The following EBF4 variants were observed in gnomAD, a reference collection of about 807,000 sequenced individuals.
The protein encoded by EBF4 is EBF transcription factor 4.
A neutral mutation model predicts 67.1 loss-of-function variants in EBF4; 34 were observed. That is an observed-to-expected ratio of 0.51 (90% CI 0.39 to 0.67). The LOEUF (loss-of-function observed/expected upper bound fraction) is 0.67. Ranked by LOEUF, EBF4 falls within the 30% of genes least tolerant of loss-of-function variation. EBF4 has a pLI of 0.00. For synonymous variants in EBF4, 387 were observed against 377.7 expected, an observed-to-expected ratio of 1.02 and a Z score of -0.29; for missense variants, 837 against 873.3, an observed-to-expected ratio of 0.96 and a Z score of 0.52.
chr20:2,750,506 G>A lies in EBF4; in HGVS notation c.1018+533G>A, dbSNP rs2088127104. 1.3e-5 allele frequency among the ~76,000 whole-genome samples: 2 copies of A among 152,032 alleles called. 1 individual carries two copies. The highest frequency in any genetic ancestry group is 4.1e-4 in the South Asian group (2 of 4,828). Reference sequence around the variant, plus strand: ...TGGAGAGGCAGTGTAGAACCCCCCAGCCTGGCTCTATTTGGCCGCTGGCCG... The same window carrying A: ...TGGAGAGGCAGTGTAGAACCCCCCAACCTGGCTCTATTTGGCCGCTGGCCG... On this transcript the variant is annotated intron_variant, in intron 10 of 16. Transcript: ENST00000609451.
intron 6 of EBF4, among the ~76,000 whole-genome samples, chr20:2,724,731 C>T (rs1344833442): frequency 6.6e-6 from 1 of 151,900 alleles, no homozygotes; most frequent in Non-Finnish European, 1.5e-5. Context: ...ATAGTGAGAC[C>T]CCATCTCTAC....
In EBF4 at chr20:2,693,982, TCCACTC is replaced by T. The variant is rs1444816226; in HGVS notation, c.137+202_137+207del. Among the ~76,000 whole-genome samples, 2 of 152,154 alleles carry T rather than the reference TCCACTC, an allele frequency of 1.3e-5. No homozygotes were observed. The highest frequency in any genetic ancestry group is 2.4e-5 in the African/African-American group (1 of 41,448). ...GGCGGGCTGGGGCGGGGCTTCTGCC[TCCACTC>T]CGGGCTGCCCCGGTAGATTTCTGAC... On this transcript the variant is annotated intron_variant, in intron 1 of 16. Transcript: ENST00000609451. This position sits in a 1 kb window ranked among gnomAD's most constrained non-coding sequence, Gnocchi z 4.6.
chr20:2,704,824 G>A (rs1445013068), intron 1 of EBF4, among the ~76,000 whole-genome samples: 2 of 152,192 alleles, frequency 1.3e-5, no homozygotes, highest in African/African-American at 4.8e-5. Context: ...TGTATCACTG[G>A]GATGCAGGGG....
rs1158171304 is a variant in EBF4, at chr20:2,749,419, G to T, written c.658G>T (p.Val220Leu). 8 of 1,544,040 alleles carry T rather than the reference G, an allele frequency of 5.2e-6. No homozygotes were observed. The highest frequency in any genetic ancestry group is 5.2e-6 in the Non-Finnish European group (6 of 1,143,866). ...CCCGCAGGTGGTGGTGTCCACGACGGTGAGCGTGGACGGACACGTGCTGGC... is the reference window on the plus strand; with the variant it reads ...CCCGCAGGTGGTGGTGTCCACGACGTTGAGCGTGGACGGACACGTGCTGGC... Residue 220 changes from valine to leucine, a missense_variant, in exon 8 of 17, where the codon GTG (valine) becomes TTG (leucine). Val to Leu is a conservative substitution (Grantham distance 32). Around this residue, in one of 3 missense-constraint regions of EBF4, gnomAD observed 226 missense variants for 306.5 expected, o/e 0.74. Transcript: ENST00000609451.
At chr20:2,758,915 C>A in exon 16 of EBF4, 1 of 1,551,790 alleles carries the variant, frequency 6.4e-7, no homozygotes, top group Non-Finnish European at 8.7e-7. Context: ...GCAGACCAGT[C>A]TTTTGAGGAT....
rs1461409995 is a variant in EBF4, at chr20:2,755,690, C to A, written c.1604C>A (p.Thr535Asn). 1 of 1,550,712 alleles carries A rather than the reference C, an allele frequency of 6.4e-7. No individual in the cohort carries two copies. The change falls in exon 15 of 17, where the codon ACC becomes AAC. Residue 535 changes from threonine (T) to asparagine (N), a missense_variant. Thr to Asn is a moderately conservative substitution (Grantham distance 65). Around this residue, in one of 3 missense-constraint regions of EBF4, gnomAD observed 525 missense variants for 496.5 expected, o/e 1.06. Transcript: ENST00000609451. This position sits in a 1 kb window ranked among gnomAD's most constrained non-coding sequence, Gnocchi z 4.7. ...ATGTCCCTCCCGGCCGCTGCCCCCA[C>A]CACCAGCGTGTTCTCCTTCTCGCCT...
At chr20:2,723,537 G>A (rs2146429020) in intron 6 of EBF4, among the ~76,000 whole-genome samples, 1 of 152,004 alleles carries the variant, frequency 6.6e-6, no homozygotes, top group East Asian at 1.9e-4. Context: ...TTTTAATAGA[G>A]ACGGGGTTTC....
chr20:2,718,908 A>G (rs1286814639), intron 6 of EBF4, among the ~76,000 whole-genome samples: 1 of 151,826 alleles, frequency 6.6e-6, no homozygotes, highest in East Asian at 1.9e-4. Flanking sequence ...ATAGACTTTT[A>G]GAGACATACA....
intron 6 of EBF4, among the ~76,000 whole-genome samples, chr20:2,737,054 C>T (rs893541277): frequency 1.3e-5 from 2 of 151,868 alleles, no homozygotes; most frequent in African/African-American, 4.8e-5. Context: ...TGGAGACCAT[C>T]CTGGCTAACA....
At chr20:2,709,769 G>T (rs1195864732) in intron 6 of EBF4, 127 bp downstream of exon 6, 2 of 985,868 alleles carry the variant, frequency 2.0e-6, no homozygotes, top group Non-Finnish European at 2.7e-6. Context: ...AGGTTGGGTG[G>T]CTCTGAGCAG....
chr20:2,732,885 G>A (rs546019420), intron 6 of EBF4, among the ~76,000 whole-genome samples: 56 of 152,044 alleles, frequency 3.7e-4, no homozygotes, highest in Non-Finnish European at 6.9e-4. Flanking sequence ...CAAATGTGCA[G>A]TTGTCTTTTA....
chr20:2,695,053 C>T (rs560389642), intron 1 of EBF4, among the ~76,000 whole-genome samples: 2 of 152,056 alleles, frequency 1.3e-5, no homozygotes, highest in African/African-American at 2.4e-5. Flanking sequence ...ATTTTTCTTC[C>T]CATTAACTTG....
intron 1 of EBF4, among the ~76,000 whole-genome samples, chr20:2,700,156 A>T (rs1322781615): frequency 6.6e-6 from 1 of 152,164 alleles, no homozygotes; most frequent in African/African-American, 2.4e-5. Context: ...TGCTGTTTCC[A>T]GAGTTCCCCG....
At chr20:2,712,431 G>A (rs1258578286) in intron 6 of EBF4, among the ~76,000 whole-genome samples, 2 of 152,192 alleles carry the variant, frequency 1.3e-5, no homozygotes, top group Non-Finnish European at 2.9e-5. Context: ...ACTCAAAGAT[G>A]TCTCCAAGGT....
In EBF4 at chr20:2,707,820, G is replaced by A; in HGVS notation, c.415-127G>A. On this transcript the variant is annotated intron_variant, in intron 4 of 16. Coordinates refer to ENST00000609451, the Ensembl canonical transcript of EBF4. This position sits in a 1 kb window ranked among gnomAD's most constrained non-coding sequence, Gnocchi z 4.6. The stretch of plus-strand genomic sequence containing the variant: ...TGGGCAGCCCAGAGCAAGGCAGAGG[G>A]CGTGCTCTTCCCTGGGGCAGGGTCT... The A allele has an allele frequency of 1.1e-6, 1 of 895,728 alleles. No homozygotes were observed. Among genetic ancestry groups the A allele is most frequent in the Non-Finnish European group, 1.6e-6 (1 of 610,642 alleles). 55.5% of individuals were successfully genotyped at this position (895,728 alleles called of 1,614,324 possible). A position where few individuals can be genotyped will look rare whatever the true frequency, so the allele number is the denominator to read the frequency against.
At chr20:2,705,642 T>C (rs1209787028) in exon 2 of EBF4, 5 of 1,553,224 alleles carry the variant, frequency 3.2e-6, no homozygotes, top group Non-Finnish European at 8.7e-7. Flanking sequence ...AAATCCAACT[T>C]CTTCCACTTC....
intron 6 of EBF4, among the ~76,000 whole-genome samples, chr20:2,746,918 G>A (rs1196909714): frequency 2.0e-5 from 3 of 152,180 alleles, no homozygotes; most frequent in African/African-American, 7.2e-5. Flanking sequence ...GCACTCTACA[G>A]TTTGTAAAGG....
Position 2,698,302 on chromosome 20 carries a change from A to G in EBF4, c.137+4520A>G, listed in dbSNP as rs992413254. 5.9e-5 allele frequency among the ~76,000 whole-genome samples: 9 copies of G among 152,380 alleles called. No individual in the cohort carries two copies. In the South Asian group the frequency reaches 6.2e-4, roughly 11 times the overall value. On this transcript the variant is annotated intron_variant, in intron 1 of 16. Transcript: ENST00000609451. ...TCATCTCCAGCAGGACCAACTGGAC[A>G]CAGGCTCTGGGCAGCTGCCTGCAGC...
chr20:2,701,854 C>G (rs1444551803), intron 1 of EBF4, among the ~76,000 whole-genome samples: 1 of 152,186 alleles, frequency 6.6e-6, no homozygotes, highest in Admixed American at 6.5e-5. Context: ...GAACCCATCC[C>G]CAGTGGAGTT....
Sources: gnomAD v4.1 joint callset for allele counts (sites outside exome capture counted in the v4.1 genomes callset) on GRCh38, gnomAD v4.1.1 for gene constraint, gnomAD v4.1.1 regional missense constraint, Gnocchi (gnomAD v3.1) non-coding constraint, MANE v1.5 for transcripts, NCBI Gene and HGNC (gene_info 2026-07-23, HGNC 2026-07-21) for gene names.